Variants in GRID1 observed in about 807,000 individuals in gnomAD.
GRID1 encodes the protein glutamate ionotropic receptor delta type subunit 1.
In GRID1, 28 loss-of-function variants were observed where a neutral mutation model predicts 98.0. The observed-to-expected ratio is 0.29, with a 90% CI of 0.21 to 0.39. GRID1 has a LOEUF of 0.39. Among genes scored for constraint, GRID1 ranks in the 10% least tolerant of loss-of-function variants. The pLI, the probability that GRID1 is intolerant of heterozygous loss-of-function variation, is 1.00. For synonymous variants in GRID1, 553 were observed against 538.5 expected (o/e 1.03, Z -0.37); for missense variants, 1,111 against 1,340.5 (o/e 0.83, Z 2.67).
chr10:85,666,202 T>C (rs1266053482), intron 12 of GRID1, among the ~76,000 whole-genome samples: 1 of 152,204 alleles, frequency 6.6e-6, no homozygotes, highest in African/African-American at 2.4e-5. Flanking sequence ...TGCCATTTTA[T>C]AGGCAAGGAC....
At chr10:85,687,492 C>CGGT (rs947140662) in intron 12 of GRID1, among the ~76,000 whole-genome samples, 3 of 151,920 alleles carry the variant, frequency 2.0e-5, no homozygotes, top group African/African-American at 7.3e-5. Context: ...GGACCAGGCA[C>CGGT]GGTGGATCAT....
chr10:86,011,990 T>G (rs2131881652), intron 4 of GRID1, among the ~76,000 whole-genome samples: 1 of 152,222 alleles, frequency 6.6e-6, no homozygotes, highest in South Asian at 2.1e-4. Context: ...AAACCCAGTC[T>G]CTACTAAAAA....
chr10:85,893,862 T>C (rs913186296), intron 5 of GRID1, among the ~76,000 whole-genome samples: 2 of 152,332 alleles, frequency 1.3e-5, no homozygotes, highest in South Asian at 2.1e-4. Flanking sequence ...AAAATGCGTA[T>C]GGAAATGCAG....
rs534184797 is a variant in GRID1 at position 85,599,741 on chromosome 10, T to C, written c.*2532A>G. On this transcript the variant is annotated 3_prime_UTR_variant, in exon 16 of 16. Coordinates refer to ENST00000327946, the MANE Select transcript of GRID1 (RefSeq NM_017551.3). ...GAAGTTTTTTTTTTTCCTAGAGAAC[T>C]TGCTTGAATATCAATCATTTCCCCT... The C allele has an allele frequency of 1.6e-4, 22 of 136,468 alleles. No homozygotes were observed. The highest frequency in any genetic ancestry group is 5.7e-4 in the African/African-American group (20 of 35,246). The allele number at this position is 136,468 out of a possible 1,614,324, so 8.5% of individuals were successfully genotyped here.
At chr10:86,097,342 AGCAAT>A (rs1263515781) in intron 4 of GRID1, among the ~76,000 whole-genome samples, 1 of 152,240 alleles carries the variant, frequency 6.6e-6, no homozygotes, top group African/African-American at 2.4e-5. Flanking sequence ...TTGTAATCAA[AGCAAT>A]GCAAATTAAA....
chr10:86,137,060 G>A (rs1844937826), intron 4 of GRID1, among the ~76,000 whole-genome samples: 1 of 152,128 alleles, frequency 6.6e-6, no homozygotes, highest in Non-Finnish European at 1.5e-5. Context: ...GCAGGACAAA[G>A]CAAGCCCAGC....
intron 2 of GRID1, among the ~76,000 whole-genome samples, chr10:86,359,275 G>A (rs1048866850): frequency 6.6e-6 from 1 of 152,194 alleles, no homozygotes; most frequent in Non-Finnish European, 1.5e-5. Flanking sequence ...CTGCAAGAGC[G>A]TGGCCTCGAT....
At chr10:85,605,518 C>T (rs1842647941) in intron 15 of GRID1, 1 of 152,202 alleles carries the variant, frequency 6.6e-6, no homozygotes, top group Non-Finnish European at 1.5e-5. Context: ...TAATCAGTTG[C>T]ATAATCTTCC....
chr10:86,170,415 A>G (rs867267608), intron 3 of GRID1, among the ~76,000 whole-genome samples: 2 of 152,232 alleles, frequency 1.3e-5, no homozygotes, highest in Non-Finnish European at 2.9e-5. Flanking sequence ...TGAGGCCTAC[A>G]GGAGATAATG....
intron 2 of GRID1, among the ~76,000 whole-genome samples, chr10:86,361,647 C>T (rs1316222877): frequency 6.6e-6 from 1 of 152,196 alleles, no homozygotes; most frequent in African/African-American, 2.4e-5. Flanking sequence ...GGTTGAATCA[C>T]CCATAGCTAT....
intron 8 of GRID1, among the ~76,000 whole-genome samples, chr10:85,837,093 C>G (rs1335556674): frequency 2.6e-5 from 4 of 152,148 alleles, no homozygotes; most frequent in Non-Finnish European, 5.9e-5. Flanking sequence ...TCCCCACCCC[C>G]ACCACCGACT....
chr10:86,323,456 A>G (rs554164108), intron 2 of GRID1, among the ~76,000 whole-genome samples: 4 of 152,362 alleles, frequency 2.6e-5, no homozygotes, highest in Admixed American at 2.6e-4. Context: ...CTTAGGAGAG[A>G]AATGGCATAA....
chr10:85,807,230 G>T lies in GRID1; in HGVS notation c.1233+47266C>A, dbSNP rs1452660707. Among the ~76,000 whole-genome samples, 3 of 151,918 alleles carry T rather than the reference G, an allele frequency of 2.0e-5. No individual in the cohort carries two copies. The East Asian group carries it at 5.8e-4, about 29-fold the overall frequency. ...CCAGGTGTGGTGGCGCGCACCTGTA[G>T]TCTCAGCTACTCGGGAGGCAGAAGC... On this transcript the variant is annotated intron_variant, in intron 8 of 15. Transcript: ENST00000327946.
intron 2 of GRID1, among the ~76,000 whole-genome samples, chr10:86,337,252 G>GC (rs1445925060): frequency 6.6e-6 from 1 of 152,134 alleles, no homozygotes; most frequent in Middle Eastern, 3.2e-3. Flanking sequence ...CCCCCCACGA[G>GC]CCCACCGGCC....
intron 4 of GRID1, among the ~76,000 whole-genome samples, chr10:85,956,090 C>T (rs1309938950): frequency 6.6e-6 from 1 of 152,216 alleles, no homozygotes; most frequent in Non-Finnish European, 1.5e-5. Context: ...TGTCCAAGCC[C>T]CTGGGCAGCC....
intron 4 of GRID1, among the ~76,000 whole-genome samples, chr10:86,125,114 G>C (rs1320717801): frequency 1.3e-5 from 2 of 152,236 alleles, no homozygotes; most frequent in Non-Finnish European, 2.9e-5. Flanking sequence ...AGGCTCCCTG[G>C]ACGTGCTGCA....
chr10:85,712,051 G>GA (rs754176689), intron 12 of GRID1, among the ~76,000 whole-genome samples: 33 of 151,468 alleles, frequency 2.2e-4, no homozygotes, highest in Non-Finnish European at 4.4e-5. Flanking sequence ...AAATGGTAAA[G>GA]AAAAAATATC....
At chr10:86,154,792 G>A (rs897675787) in intron 3 of GRID1, among the ~76,000 whole-genome samples, 4 of 152,268 alleles carry the variant, frequency 2.6e-5, no homozygotes, top group African/African-American at 7.2e-5. Context: ...AGCTGCCATC[G>A]TAAGCTGGGC....
chr10:85,962,037 G>T (rs1842274751), intron 4 of GRID1, among the ~76,000 whole-genome samples: 1 of 152,170 alleles, frequency 6.6e-6, no homozygotes, highest in Non-Finnish European at 1.5e-5. Context: ...AGGAGGAAGG[G>T]AATGAAGGAA....
Sources: allele counts gnomAD v4.1 joint callset (sites outside exome capture counted in the v4.1 genomes callset), GRCh38; gene constraint gnomAD v4.1.1; transcripts MANE v1.5; gene names NCBI Gene and HGNC (gene_info 2026-07-23, HGNC 2026-07-21).